Variants in COL5A2 observed in about 807,000 individuals in gnomAD.
COL5A2 encodes collagen alpha-2(V) chain.
In COL5A2, 23 loss-of-function variants were observed where a neutral mutation model predicts 208.2. The ratio of observed to expected loss-of-function variants is 0.11; its 90% CI spans 0.08 to 0.16. The LOEUF is 0.16. COL5A2 is among the 10% of genes least tolerant of loss of function. The probability of loss-of-function intolerance (pLI) is 1.00; values close to 1 mark genes in which losing one functional copy is unlikely to be tolerated. For missense variants in COL5A2, 1,590 were observed against 1,956.4 expected (o/e 0.81, Z 3.53); for synonymous variants, 625 against 628.5 (o/e 0.99, Z 0.08).
At chr2:189,037,650 A>G (rs1685470951) in intron 51 of COL5A2, among the ~76,000 whole-genome samples, 1 of 152,190 alleles carries the variant, frequency 6.6e-6, no homozygotes, top group South Asian at 2.1e-4. Flanking sequence ...AATAAGGTAA[A>G]CTTTAAGCCT....
intron 33 of COL5A2, among the ~76,000 whole-genome samples, chr2:189,057,744 A>G (rs983666295): frequency 1.3e-5 from 2 of 152,204 alleles, no homozygotes; most frequent in Non-Finnish European, 2.9e-5. Context: ...AGAAAGAAAG[A>G]CATTACATTT....
At chr2:189,156,831 C>T (rs558487124) in intron 1 of COL5A2, among the ~76,000 whole-genome samples, 34 of 152,088 alleles carry the variant, frequency 2.2e-4, no homozygotes, top group African/African-American at 7.7e-4. Context: ...TTAATTCACA[C>T]TAGCGAATAT....
chr2:189,239,444 T>C, the COL5A2 span, among the ~76,000 whole-genome samples: 2 of 151,124 alleles, frequency 1.3e-5, no homozygotes, highest in Non-Finnish European at 2.9e-5. Flanking sequence ...AGGAACACAG[T>C]GAGGGAAGGG....
intron 1 of COL5A2, among the ~76,000 whole-genome samples, chr2:189,129,999 T>C (rs1048686471): frequency 6.6e-6 from 1 of 152,052 alleles, no homozygotes; most frequent in Non-Finnish European, 1.5e-5. Flanking sequence ...TTTTTGGCCA[T>C]AGAACTAAAA....
chr2:189,441,059 A>G, the COL5A2 span, among the ~76,000 whole-genome samples: 1 of 152,102 alleles, frequency 6.6e-6, no homozygotes, highest in Non-Finnish European at 1.5e-5. Flanking sequence ...GACCGAGAAA[A>G]CCAGGGACGC....
chr2:189,068,336 T>C, intron 19 of COL5A2, 66 bp from the exon 20 acceptor site: 1 of 1,307,496 alleles, frequency 7.6e-7, no homozygotes, highest in Admixed American at 1.7e-5. Flanking sequence ...TGTGCTAGTA[T>C]ACAGATGTCC....
the COL5A2 span, among the ~76,000 whole-genome samples, chr2:189,256,625 G>C: frequency 6.6e-6 from 1 of 152,082 alleles, no homozygotes; most frequent in African/African-American, 2.4e-5. Flanking sequence ...GGAGATCTTT[G>C]CAAATCAGAA....
At chr2:189,098,636 C>T in intron 5 of COL5A2, 91 bp downstream of exon 5, 1 of 1,040,706 alleles carries the variant, frequency 9.6e-7, no homozygotes, top group African/African-American at 1.6e-5. Flanking sequence ...TTGTTTAATT[C>T]TTTTATCTTC....
chr2:189,312,021 G>C, the COL5A2 span: 1 of 752,412 alleles, frequency 1.3e-6, no homozygotes, highest in Admixed American at 1.7e-5. Flanking sequence ...CTGGCACATG[G>C]CCAGCTCTGT....
intron 1 of COL5A2, among the ~76,000 whole-genome samples, chr2:189,113,469 C>A (rs1687322732): frequency 6.6e-6 from 1 of 151,506 alleles, no homozygotes; most frequent in African/African-American, 2.4e-5. Context: ...ATATGTGTTC[C>A]TTTCTGTCCT....
intron 1 of COL5A2, among the ~76,000 whole-genome samples, chr2:189,146,839 C>T (rs1020970143): frequency 9.9e-5 from 15 of 152,054 alleles, no homozygotes; most frequent in African/African-American, 3.1e-4. Flanking sequence ...AAGAAACAAG[C>T]ATCTAAATCA....
the COL5A2 span, among the ~76,000 whole-genome samples, chr2:189,432,015 AAGCC>A: frequency 6.6e-6 from 1 of 152,224 alleles, no homozygotes; most frequent in African/African-American, 2.4e-5. Flanking sequence ...GAAACCCTAC[AAGCC>A]AGAAAAGAGT....
At chr2:189,387,180 T>C in the COL5A2 span, among the ~76,000 whole-genome samples, 1 of 152,160 alleles carries the variant, frequency 6.6e-6, no homozygotes, top group Non-Finnish European at 1.5e-5. Flanking sequence ...TTGATGCTGC[T>C]ACATGCCATT....
chr2:189,353,215 G>A, the COL5A2 span, among the ~76,000 whole-genome samples: 1 of 152,168 alleles, frequency 6.6e-6, no homozygotes, highest in African/African-American at 2.4e-5. Context: ...TTCAAAGTCA[G>A]GTAGCGTGAT....
intron 37 of COL5A2, 65 bp downstream of exon 37, chr2:189,053,830 A>G: frequency 7.4e-7 from 1 of 1,343,254 alleles, no homozygotes; most frequent in Non-Finnish European, 1.1e-6. Flanking sequence ...AAATATAAAA[A>G]CAAAATGATT....
the COL5A2 span, among the ~76,000 whole-genome samples, chr2:189,417,466 T>C: frequency 6.6e-6 from 1 of 152,106 alleles, no homozygotes; most frequent in Non-Finnish European, 1.5e-5. Flanking sequence ...GGTTGACTAT[T>C]CCATGGCTTT....
chr2:189,211,882 T>C (rs962427353), intron 1 of COL5A2, among the ~76,000 whole-genome samples: 1 of 152,082 alleles, frequency 6.6e-6, no homozygotes, highest in East Asian at 1.9e-4. Flanking sequence ...TATAAATGTG[T>C]GGGTACAAAC....
chr2:189,412,801 G>A, the COL5A2 span, among the ~76,000 whole-genome samples: 1 of 152,158 alleles, frequency 6.6e-6, no homozygotes, highest in East Asian at 1.9e-4. Context: ...TGTGTTCAAA[G>A]AGCACACATC....
intron 47 of COL5A2, 47 bp from the exon 48 acceptor site, chr2:189,043,305 T>C (rs1685598269): frequency 7.2e-7 from 1 of 1,379,826 alleles, no homozygotes; most frequent in Admixed American, 1.8e-5. Context: ...CATATTATTG[T>C]TGAGACTAAA....
Sources: gnomAD v4.1 joint callset for allele counts (sites outside exome capture counted in the v4.1 genomes callset) on GRCh38, gnomAD v4.1.1 for gene constraint, MANE v1.5 for transcripts, NCBI Gene and HGNC (gene_info 2026-07-23, HGNC 2026-07-21) for gene names.